The following FGGY variants were observed in gnomAD, a reference collection of about 807,000 sequenced individuals.
FGGY encodes the protein FGGY carbohydrate kinase domain containing.
In FGGY, 72 loss-of-function variants were observed where a neutral mutation model predicts 71.3. The ratio of observed to expected loss-of-function variants is 1.01; its 90% CI spans 0.84 to 1.23. The LOEUF (loss-of-function observed/expected upper bound fraction) is 1.23, where lower values mean the gene tolerates loss of function less well. Ranked by LOEUF, FGGY falls within the 50% of genes most tolerant of loss-of-function variation. The pLI is 0.00. For missense variants in FGGY, 668 were observed against 682.3 expected, an observed-to-expected ratio of 0.98 and a Z score of 0.23; for synonymous variants, 251 against 250.3, an observed-to-expected ratio of 1.00 and a Z score of -0.02.
At chr1:59,491,044 T>TTCCCTCCCCTCCC (rs1344887566) in intron 6 of FGGY, among the ~76,000 whole-genome samples, 45 of 178 alleles carry the variant, frequency 0.25, 6 homozygotes, top group Admixed American at 0.33. Context: ...CTTTCCTTCC[T>TTCCCTCCCCTCCC]TCCTTCCTTC....
chr1:59,373,127 T>C (rs1316209719), intron 4 of FGGY, among the ~76,000 whole-genome samples: 1 of 152,072 alleles, frequency 6.6e-6, no homozygotes, highest in Non-Finnish European at 1.5e-5. Context: ...ATTGTCCCTG[T>C]TTGCAGACGA....
At chr1:59,691,835 T>C (rs1030390058) in intron 14 of FGGY, among the ~76,000 whole-genome samples, 1 of 152,122 alleles carries the variant, frequency 6.6e-6, no homozygotes, top group African/African-American at 2.4e-5. Flanking sequence ...AAAACCCCTT[T>C]TGGATTCAAA....
chr1:59,414,898 C>G lies in FGGY; in HGVS notation c.554+36061C>G, dbSNP rs190186423. On this transcript the variant is annotated intron_variant, in intron 5 of 15. Coordinates refer to ENST00000303721, the MANE Select transcript of FGGY (RefSeq NM_018291.5). ...GGTGTGCTCCACACCCATCAGCATC[C>G]TGGCTTACAAGGCAGGGTGGAGAAA... is the stretch of plus-strand genomic sequence containing the variant. 4.6e-5 allele frequency among the ~76,000 whole-genome samples: 7 copies of G among 152,348 alleles called. No homozygotes were observed. The East Asian group carries it at 1.3e-3, about 29-fold the overall frequency.
intron 6 of FGGY, 110 bp downstream of exon 6, chr1:59,457,186 G>A (rs2091788730): frequency 1.3e-6 from 1 of 760,706 alleles, no homozygotes; most frequent in Non-Finnish European, 2.2e-6. Flanking sequence ...GAAAATACAG[G>A]AATGAAGTTC....
At chr1:59,621,832 C>T (rs1400331926) in intron 9 of FGGY, among the ~76,000 whole-genome samples, 1 of 151,810 alleles carries the variant, frequency 6.6e-6, no homozygotes, top group African/African-American at 2.4e-5. Flanking sequence ...TAAGTTGATT[C>T]CTTTCACCAA....
chr1:59,506,145 G>A (rs544291254), intron 6 of FGGY, among the ~76,000 whole-genome samples: 4 of 152,134 alleles, frequency 2.6e-5, no homozygotes, highest in African/African-American at 7.2e-5. Context: ...TGGAAAAAGT[G>A]TCCAGTATTC....
intron 14 of FGGY, among the ~76,000 whole-genome samples, chr1:59,683,528 G>A (rs924264245): frequency 4.6e-5 from 7 of 152,172 alleles, no homozygotes; most frequent in African/African-American, 9.7e-5. Flanking sequence ...GTTACTCCAC[G>A]TTACAAGGCC....
intron 11 of FGGY, among the ~76,000 whole-genome samples, chr1:59,659,027 GC>G (rs2097250141): frequency 6.6e-6 from 1 of 152,064 alleles, no homozygotes; most frequent in Non-Finnish European, 1.5e-5. Context: ...TTTGAGACCA[GC>G]CTGGCTACTA....
At chr1:59,723,942 C>T (rs1397149340) in intron 14 of FGGY, among the ~76,000 whole-genome samples, 2 of 152,134 alleles carry the variant, frequency 1.3e-5, no homozygotes, top group African/African-American at 2.4e-5. Context: ...GCAGGCAGAT[C>T]ACATGAGGTC....
chr1:59,527,272 G>A (rs1371651529), intron 7 of FGGY, among the ~76,000 whole-genome samples: 1 of 152,186 alleles, frequency 6.6e-6, no homozygotes, highest in African/African-American at 2.4e-5. Context: ...GTCAGGCTCT[G>A]GGGAGGATTC....
intron 7 of FGGY, among the ~76,000 whole-genome samples, chr1:59,545,282 C>T (rs758405571): frequency 2.6e-5 from 4 of 152,138 alleles, no homozygotes; most frequent in South Asian, 2.1e-4. Context: ...TGTGTGCCTT[C>T]GAGTCACAGT....
At chr1:59,613,142 G>C (rs1042308473) in intron 9 of FGGY, among the ~76,000 whole-genome samples, 1 of 152,186 alleles carries the variant, frequency 6.6e-6, no homozygotes, top group East Asian at 1.9e-4. Flanking sequence ...TCTGCACCAA[G>C]TGGACCTAAT....
intron 14 of FGGY, among the ~76,000 whole-genome samples, chr1:59,725,180 A>G (rs906573894): frequency 6.6e-6 from 1 of 152,242 alleles, no homozygotes; most frequent in Admixed American, 6.5e-5. Context: ...GCATGTGGAC[A>G]TACAATATTT....
intron 6 of FGGY, among the ~76,000 whole-genome samples, chr1:59,482,654 ACAC>A (rs2093529995): frequency 6.6e-6 from 1 of 151,292 alleles, no homozygotes; most frequent in African/African-American, 2.4e-5. Flanking sequence ...ATATATATAA[ACAC>A]CATATTCTGT....
intron 8 of FGGY, among the ~76,000 whole-genome samples, chr1:59,566,347 C>T (rs368873506): frequency 6.6e-6 from 1 of 152,138 alleles, no homozygotes; most frequent in East Asian, 1.9e-4. Flanking sequence ...CTTAGTTTTT[C>T]ATCCTCTTCT....
At chr1:59,755,464 A>G (rs1426466592) in intron 14 of FGGY, 1 of 152,192 alleles carries the variant, frequency 6.6e-6, no homozygotes, top group Non-Finnish European at 1.5e-5. Context: ...CGGAAGCAGA[A>G]GTTGCTGTTG....
intron 8 of FGGY, among the ~76,000 whole-genome samples, chr1:59,602,711 C>T (rs1156806631): frequency 3.9e-5 from 6 of 152,210 alleles, no homozygotes; most frequent in Admixed American, 2.6e-4. Flanking sequence ...ATGTCCTCCT[C>T]GTTCAAAGCC....
intron 8 of FGGY, among the ~76,000 whole-genome samples, chr1:59,590,690 CAT>C (rs2096414630): frequency 6.6e-6 from 1 of 152,194 alleles, no homozygotes; most frequent in Admixed American, 6.5e-5. Flanking sequence ...GAAAAAACCA[CAT>C]GATTATCTCA....
intron 11 of FGGY, among the ~76,000 whole-genome samples, chr1:59,648,704 G>A (rs1319929078): frequency 1.3e-5 from 2 of 150,520 alleles, no homozygotes; most frequent in Non-Finnish European, 2.9e-5. Flanking sequence ...TAGGTTGCCT[G>A]TTCAGTCTGA....
Sources: gnomAD v4.1 joint callset for allele counts (sites outside exome capture counted in the v4.1 genomes callset) on GRCh38, gnomAD v4.1.1 for gene constraint, MANE v1.5 for transcripts, NCBI Gene and HGNC (gene_info 2026-07-23, HGNC 2026-07-21) for gene names.